PRIM2: variants seen among roughly 807,000 people sequenced by gnomAD.
PRIM2 encodes DNA primase subunit 2, also known as DNA primase large subunit.
PRIM2 carries 39 observed loss-of-function variants against 67.3 expected under a neutral mutation model. The ratio of observed to expected loss-of-function variants is 0.58; its 90% CI spans 0.45 to 0.76. The LOEUF (loss-of-function observed/expected upper bound fraction) is 0.76. Ranked by LOEUF, PRIM2 falls within the 30% of genes least tolerant of loss-of-function variation. The pLI is 0.00. For synonymous variants in PRIM2, 143 were observed against 198.7 expected (o/e 0.72, Z 2.36); for missense variants, 398 against 598.7 (o/e 0.66, Z 3.50).
In PRIM2 at chr6:57,329,423, G is replaced by A. The variant is rs554289188; in HGVS notation, c.459+3378G>A. Among the ~76,000 whole-genome samples the A allele has an allele frequency of 6.6e-5, 10 of 152,074 alleles. No individual in the cohort carries two copies. In the East Asian group the frequency reaches 1.9e-3, roughly 29 times the overall value. The stretch of plus-strand genomic sequence containing the variant: ...ATTCTTTCCTCATTGAATTGTCTTG[G>A]CACACTTGTCAAGTCAGTTGACTGT... On this transcript the variant is annotated intron_variant, in intron 5 of 13. Transcript: ENST00000615550.
At chr6:57,260,781 A>T in the PRIM2 span, among the ~76,000 whole-genome samples, 11 of 152,348 alleles carry the variant, frequency 7.2e-5, no homozygotes, top group East Asian at 1.3e-3. Context: ...CCAGTAAAAA[A>T]AGCAGGAGGA....
intron 5 of PRIM2, among the ~76,000 whole-genome samples, chr6:57,374,482 C>T (rs1299387042): frequency 1.3e-5 from 2 of 151,176 alleles, no homozygotes; most frequent in South Asian, 2.1e-4. Flanking sequence ...TTAGTAGAGA[C>T]GGGGTTTCAC....
At chr6:57,372,204 C>G (rs1448427730) in intron 5 of PRIM2, among the ~76,000 whole-genome samples, 1 of 152,120 alleles carries the variant, frequency 6.6e-6, no homozygotes, top group African/African-American at 2.4e-5. Flanking sequence ...GTGAAAGTTT[C>G]CAGTTGATGA....
chr6:57,248,238 G>A, the PRIM2 span, among the ~76,000 whole-genome samples: 2 of 152,170 alleles, frequency 1.3e-5, no homozygotes, highest in African/African-American at 2.4e-5. Flanking sequence ...TTCAAATTGA[G>A]CCAACTTATT....
chr6:57,508,055 G>A (rs1466213756), intron 8 of PRIM2, among the ~76,000 whole-genome samples: 1 of 152,142 alleles, frequency 6.6e-6, no homozygotes, highest in Non-Finnish European at 1.5e-5. Flanking sequence ...TTGTGCCTCA[G>A]CTTCCCAAGT....
intron 10 of PRIM2, among the ~76,000 whole-genome samples, chr6:57,585,307 AT>A (rs1776169314): frequency 6.6e-6 from 1 of 152,206 alleles, no homozygotes; most frequent in Non-Finnish European, 1.5e-5. Flanking sequence ...AGTGCTTACT[AT>A]TTTTTAAAGA....
intron 10 of PRIM2, among the ~76,000 whole-genome samples, chr6:57,580,070 G>T (rs1776053542): frequency 1.3e-5 from 2 of 151,934 alleles, no homozygotes; most frequent in African/African-American, 4.8e-5. Context: ...GTTATATTTT[G>T]CAGTCTTCTT....
chr6:57,334,315 T>C lies in PRIM2; in HGVS notation c.459+8270T>C, dbSNP rs900384716. ...TTAAAAAAATCCATGTATCTATCGG[T>C]GGACACTTAGGTTGATTCCGTATCT... On this transcript the variant is annotated intron_variant, in intron 5 of 13. Transcript: ENST00000615550. Among the ~76,000 whole-genome samples, 6 of 152,300 alleles carry C rather than the reference T, an allele frequency of 3.9e-5. No individual in the cohort carries two copies. In the East Asian group the frequency reaches 1.2e-3, roughly 29 times the overall value.
rs547088490 is a variant in PRIM2 at position 57,439,050 on chromosome 6, G to T, written c.693+56882G>T. 3.0e-3 allele frequency among the ~76,000 whole-genome samples: 456 copies of T among 152,252 alleles called. 1 individual carries two copies. The highest frequency in any genetic ancestry group is 4.6e-3 in the Non-Finnish European group (311 of 68,012). ...TAAGGAAATGTTGCATCTTAGGATA[G>T]AAATCACTTAGTCACTATTGGGTTT... On this transcript the variant is annotated intron_variant, in intron 7 of 13. Transcript: ENST00000615550.
At chr6:57,296,186 G>C in the PRIM2 span, among the ~76,000 whole-genome samples, 1 of 152,142 alleles carries the variant, frequency 6.6e-6, no homozygotes, top group Non-Finnish European at 1.5e-5. Flanking sequence ...ACTACATGCT[G>C]TATGGCTAAA....
chr6:57,585,256 AAACTGAC>A (rs1776168623), intron 10 of PRIM2, among the ~76,000 whole-genome samples: 1 of 152,236 alleles, frequency 6.6e-6, no homozygotes, highest in Non-Finnish European at 1.5e-5. Flanking sequence ...GTTAATAGTA[AAACTGAC>A]AACCTTGGTA....
intron 7 of PRIM2, among the ~76,000 whole-genome samples, chr6:57,418,651 C>T (rs9475934): frequency 0.04 from 6,084 of 151,840 alleles, 400 homozygotes; most frequent in African/African-American, 0.14. Context: ...CCACCCGCCT[C>T]GGCCTCCCAA....
chr6:57,277,763 A>C, the PRIM2 span, among the ~76,000 whole-genome samples: 2 of 151,236 alleles, frequency 1.3e-5, no homozygotes, highest in East Asian at 3.9e-4. Context: ...GGTGGATCAC[A>C]AGGTCAGGAG....
At chr6:57,401,012 A>T (rs1770689014) in intron 7 of PRIM2, among the ~76,000 whole-genome samples, 1 of 151,736 alleles carries the variant, frequency 6.6e-6, no homozygotes, top group African/African-American at 2.4e-5. Context: ...CTCCTTTATC[A>T]TTTGGTTGTG....
At chr6:57,395,922 T>C (rs1283981853) in intron 7 of PRIM2, among the ~76,000 whole-genome samples, 2 of 152,228 alleles carry the variant, frequency 1.3e-5, no homozygotes, top group Non-Finnish European at 2.9e-5. Context: ...CCAATGCTCA[T>C]TCAGGAGCAG....
At chr6:57,316,689 G>A (rs34314405), upstream of PRIM2, among the ~76,000 whole-genome samples, 645 of 152,356 alleles carry the variant, frequency 4.2e-3, 3 homozygotes, top group Non-Finnish European at 6.2e-3. Flanking sequence ...GCCTCCTAGA[G>A]GCCACGAGTG....
chr6:57,576,835 A>C (rs1775972062), intron 10 of PRIM2, among the ~76,000 whole-genome samples: 1 of 150,608 alleles, frequency 6.6e-6, no homozygotes, highest in African/African-American at 2.4e-5. Context: ...TTCCCCTCTT[A>C]TCTGTTTTAG....
chr6:57,240,195 G>T, the PRIM2 span, among the ~76,000 whole-genome samples: 1 of 147,186 alleles, frequency 6.8e-6, no homozygotes, highest in Admixed American at 7.1e-5. Context: ...TCTGCCTCCC[G>T]GGTTCAAGCG....
At chr6:57,644,829 C>T (rs1410474214) in intron 13 of PRIM2, among the ~76,000 whole-genome samples, 1 of 152,078 alleles carries the variant, frequency 6.6e-6, no homozygotes, top group African/African-American at 2.4e-5. Context: ...GTTGTCAACT[C>T]CAACTGCAGA....
Sources: gnomAD v4.1 joint callset for allele counts (sites outside exome capture counted in the v4.1 genomes callset) on GRCh38, gnomAD v4.1.1 for gene constraint, MANE v1.5 for transcripts, NCBI Gene and HGNC (gene_info 2026-07-23, HGNC 2026-07-21) for gene names.